ATP2B2: variants seen among roughly 807,000 people sequenced by gnomAD.
The protein encoded by ATP2B2 is ATPase plasma membrane Ca2+ transporting 2, also known as plasma membrane calcium-transporting ATPase 2.
Under a neutral mutation model 120.0 loss-of-function variants are expected in ATP2B2, and 15 were observed. That is an observed-to-expected ratio of 0.12 (90% CI 0.08 to 0.19). The LOEUF (loss-of-function observed/expected upper bound fraction) is 0.19. ATP2B2 is among the 10% of genes least tolerant of loss of function. The pLI is 1.00. For synonymous variants in ATP2B2, 694 were observed against 700.3 expected (o/e 0.99, Z 0.14); for missense variants, 1,045 against 1,719.8 (o/e 0.61, Z 6.94).
intron 1 of ATP2B2, among the ~76,000 whole-genome samples, chr3:10,625,810 G>A (rs112543815): frequency 1.2e-4 from 19 of 152,324 alleles, no homozygotes; most frequent in African/African-American, 2.2e-4. Flanking sequence ...AGTTTAGTGC[G>A]CGTATTGTAT....
chr3:10,613,272 C>T (rs536740919), intron 2 of ATP2B2, among the ~76,000 whole-genome samples: 1 of 152,204 alleles, frequency 6.6e-6, no homozygotes, highest in South Asian at 2.1e-4. Context: ...TGTGGCTGGT[C>T]CTGATTTGTA....
chr3:10,637,087 G>T (rs758846440), intron 1 of ATP2B2, among the ~76,000 whole-genome samples: 2 of 152,114 alleles, frequency 1.3e-5, no homozygotes, highest in Non-Finnish European at 2.9e-5. Context: ...CTCAGCAGTG[G>T]GGAACAATTA....
At chr3:10,394,079 C>T (rs1204277172) in intron 5 of ATP2B2, among the ~76,000 whole-genome samples, 2 of 152,066 alleles carry the variant, frequency 1.3e-5, no homozygotes, top group African/African-American at 4.8e-5. Context: ...AGGGGCTGGA[C>T]CTAGGGTTCC....
chr3:10,471,146 G>A (rs1374563653), intron 1 of ATP2B2, among the ~76,000 whole-genome samples: 3 of 152,168 alleles, frequency 2.0e-5, no homozygotes, highest in Non-Finnish European at 4.4e-5. Flanking sequence ...GCAGCCACAC[G>A]CAGCAGGGAA....
intron 1 of ATP2B2, among the ~76,000 whole-genome samples, chr3:10,692,367 C>A (rs763848943): frequency 1.6e-4 from 25 of 152,216 alleles, no homozygotes; most frequent in African/African-American, 2.9e-4. Flanking sequence ...GGCTTGCCGG[C>A]TGCAGACAAG....
chr3:10,416,764 CTTTT>C (rs112522558), intron 2 of ATP2B2, among the ~76,000 whole-genome samples: 1 of 141,836 alleles, frequency 7.1e-6, no homozygotes, highest in Non-Finnish European at 1.5e-5. Flanking sequence ...TTTTCTTTTT[CTTTT>C]TTTTTTTTTT....
chr3:10,533,359 A>AC (rs2067248671), intron 3 of ATP2B2, among the ~76,000 whole-genome samples: 1 of 152,192 alleles, frequency 6.6e-6, no homozygotes, highest in Admixed American at 6.5e-5. Context: ...TTTAATGAGC[A>AC]CCTACTATGT....
At chr3:10,699,169 C>G (rs2071782288) in intron 1 of ATP2B2, among the ~76,000 whole-genome samples, 1 of 152,206 alleles carries the variant, frequency 6.6e-6, no homozygotes, top group South Asian at 2.1e-4. Context: ...CTCTTCTCTT[C>G]TTTCACCCTA....
rs529640367 is a variant in ATP2B2, at chr3:10,537,395, T to C, written c.-414-3262A>G. ...CATCTGTGTTTAATAATTTTCATCA[T>C]ACAAATCCTATAGATTGGTTAAATT... On this transcript the variant is annotated intron_variant, in intron 2 of 21. Coordinates refer to the ATP2B2 transcript ENST00000646379. Among the ~76,000 whole-genome samples, 7 of 152,210 alleles carry C rather than the reference T, an allele frequency of 4.6e-5. No homozygotes were observed. The East Asian group carries it at 1.2e-3, about 25-fold the overall frequency.
chr3:10,535,110 G>T (rs1197458511), intron 2 of ATP2B2, among the ~76,000 whole-genome samples: 1 of 151,800 alleles, frequency 6.6e-6, no homozygotes, highest in African/African-American at 2.4e-5. Context: ...TCACCGTGTT[G>T]CCAGGCTGGT....
chr3:10,440,497 G>A (rs891993561), intron 2 of ATP2B2, among the ~76,000 whole-genome samples: 17 of 152,198 alleles, frequency 1.1e-4, no homozygotes, highest in South Asian at 2.1e-4. Context: ...TGTGCTTTGC[G>A]ATCTGTTCTA....
chr3:10,689,204 C>T (rs891975462), intron 1 of ATP2B2, among the ~76,000 whole-genome samples: 3 of 152,130 alleles, frequency 2.0e-5, no homozygotes, highest in East Asian at 1.9e-4. Flanking sequence ...GCTCTACCAC[C>T]GTTAGCCATT....
At chr3:10,504,168 C>T (rs926727698) in intron 1 of ATP2B2, among the ~76,000 whole-genome samples, 6 of 152,098 alleles carry the variant, frequency 3.9e-5, no homozygotes, top group African/African-American at 7.2e-5. Flanking sequence ...TCCTGGACCC[C>T]CAACCCCCCA....
intron 1 of ATP2B2, among the ~76,000 whole-genome samples, chr3:10,630,532 A>G (rs981110838): frequency 6.6e-6 from 1 of 152,166 alleles, no homozygotes; most frequent in Non-Finnish European, 1.5e-5. Flanking sequence ...ATAGTATTCC[A>G]TGGTGTATAT....
intron 2 of ATP2B2, among the ~76,000 whole-genome samples, chr3:10,608,108 G>C (rs1242611593): frequency 1.3e-5 from 2 of 152,222 alleles, no homozygotes; most frequent in Non-Finnish European, 2.9e-5. Flanking sequence ...GTCCCCTGCT[G>C]TCTACCTCCT....
At chr3:10,466,794 C>T (rs2064761714) in intron 1 of ATP2B2, among the ~76,000 whole-genome samples, 1 of 152,182 alleles carries the variant, frequency 6.6e-6, no homozygotes, top group African/African-American at 2.4e-5. Flanking sequence ...TCAAAAGGAT[C>T]CGTTGACCAT....
Position 10,650,556 on chromosome 3 carries a change from A to ATG in ATP2B2, c.-459-30596_-459-30595insCA, listed in dbSNP as rs1226665790. 3.4e-3 allele frequency among the ~76,000 whole-genome samples: 512 copies of ATG among 152,036 alleles called. 1 individual carries two copies. The highest frequency in any genetic ancestry group is 5.4e-3 in the Non-Finnish European group (364 of 68,012). On this transcript the variant is annotated intron_variant, in intron 1 of 21. Transcript: ENST00000646379. The stretch of plus-strand genomic sequence containing the variant: ...ATTCAAGCCAGCGGCAGAAATTTGC[A>ATG]TAAGTAACAAGGAACTGAATGTTAA...
chr3:10,562,766 A>G (rs2067931150), intron 2 of ATP2B2, among the ~76,000 whole-genome samples: 1 of 152,224 alleles, frequency 6.6e-6, no homozygotes, highest in African/African-American at 2.4e-5. Flanking sequence ...CTTATTAGAA[A>G]AATTGTAAAC....
intron 1 of ATP2B2, among the ~76,000 whole-genome samples, chr3:10,668,277 G>T (rs1330093838): frequency 6.6e-6 from 1 of 152,258 alleles, no homozygotes; most frequent in East Asian, 1.9e-4. Flanking sequence ...AAGGTTCAGA[G>T]AGGTTAAGCG....
Sources: allele counts gnomAD v4.1 joint callset (sites outside exome capture counted in the v4.1 genomes callset), GRCh38; gene constraint gnomAD v4.1.1; transcripts MANE v1.5; gene names NCBI Gene and HGNC (gene_info 2026-07-23, HGNC 2026-07-21).